The following TTC21B variants were observed in gnomAD, a reference collection of about 807,000 sequenced individuals.
TTC21B encodes the protein tetratricopeptide repeat protein 21B.
A neutral mutation model predicts 175.1 loss-of-function variants in TTC21B; 127 were observed. That is an observed-to-expected ratio of 0.73 (90% CI 0.63 to 0.84). The LOEUF is 0.84. TTC21B is among the 40% of genes least tolerant of loss of function. TTC21B has a pLI of 0.00. For missense variants in TTC21B, 1,561 were observed against 1,558.3 expected (o/e 1.00, Z -0.03); for synonymous variants, 524 against 524.5 (o/e 1.00, Z 0.01).
chr2:165,876,362 C>T (rs1047308426), intron 27 of TTC21B, 130 bp from the exon 28 acceptor site: 31 of 688,866 alleles, frequency 4.5e-5, no homozygotes, highest in South Asian at 1.8e-4. Flanking sequence ...AACCAAACTA[C>T]GCTATACAGA....
At position 165,930,020 on chromosome 2, in the gene TTC21B, A is replaced by ATTTTAT. The variant is rs79188732; in HGVS notation, c.1087+151_1087+152insATAAAA. 0.33 allele frequency: 228,223 copies of ATTTTAT among 693,354 alleles called. 40,579 individuals carry two copies. The highest frequency in any genetic ancestry group is 0.37 in the Non-Finnish European group (155,745 of 420,976). 43.0% of individuals were successfully genotyped at this position (693,354 alleles called of 1,614,324 possible). A position where few individuals can be genotyped will look rare whatever the true frequency, so the allele number is the denominator to read the frequency against. Reference sequence around the variant, plus strand: ...TCAAGATATTATTTGTGAATTAAAAATTTTAAAGACATGACTTTTTCGAGT... The same window carrying ATTTTAT: ...TCAAGATATTATTTGTGAATTAAAAATTTTATTTTTAAAGACATGACTTTTTCGAGT... On this transcript the variant is annotated intron_variant, in intron 9 of 28. Transcript: ENST00000243344.
chr2:165,953,651 G>GCGCGCCCGCTCA, intron 1 of TTC21B, 34 bp downstream of exon 1: 1 of 1,511,044 alleles, frequency 6.6e-7, no homozygotes. Flanking sequence ...CCGCCCGCCC[G>GCGCGCCCGCTCA]CCCGCTCACC....
intron 4 of TTC21B, among the ~76,000 whole-genome samples, chr2:165,944,325 T>C (rs1459423684): frequency 1.3e-5 from 2 of 152,186 alleles, no homozygotes; most frequent in African/African-American, 4.8e-5. Context: ...GCCAATGTAT[T>C]TTCTATTTAT....
At chr2:165,893,029 CT>C (rs1224047147) in intron 22 of TTC21B, among the ~76,000 whole-genome samples, 2 of 152,136 alleles carry the variant, frequency 1.3e-5, no homozygotes, top group African/African-American at 4.8e-5. Context: ...TTCACCACAC[CT>C]TTTAGCATCA....
intron 4 of TTC21B, among the ~76,000 whole-genome samples, chr2:165,943,762 A>G (rs752323386): frequency 2.0e-5 from 3 of 152,160 alleles, no homozygotes; most frequent in Non-Finnish European, 4.4e-5. Flanking sequence ...TGCTTCACAT[A>G]TCTTAAAGAT....
intron 6 of TTC21B, among the ~76,000 whole-genome samples, chr2:165,940,570 A>G (rs1006895113): frequency 6.6e-6 from 1 of 152,102 alleles, no homozygotes; most frequent in Non-Finnish European, 1.5e-5. Flanking sequence ...CTTCTCTCAA[A>G]TATCTGCATG....
chr2:165,930,513 T>C, intron 8 of TTC21B, 149 bp from the exon 9 acceptor site: 1 of 544,082 alleles, frequency 1.8e-6, no homozygotes. Flanking sequence ...AATAAAACTT[T>C]CCTATTATCT....
At chr2:165,917,570 C>T in intron 13 of TTC21B, 89 bp from the exon 14 acceptor site, 2 of 1,049,528 alleles carry the variant, frequency 1.9e-6, no homozygotes, top group Non-Finnish European at 2.9e-6. Flanking sequence ...AATGAGATCA[C>T]TGAGAACAGT....
At chr2:165,939,556 A>G (rs1220671247) in intron 6 of TTC21B, among the ~76,000 whole-genome samples, 2 of 152,088 alleles carry the variant, frequency 1.3e-5, no homozygotes, top group Non-Finnish European at 2.9e-5. Flanking sequence ...TTGTGACTCA[A>G]ATATATTTAT....
intron 25 of TTC21B, among the ~76,000 whole-genome samples, chr2:165,885,587 T>C (rs4667853): frequency 0.018 from 2,748 of 152,252 alleles, 118 homozygotes; most frequent in Admixed American, 0.099. Context: ...GGAGAGAAGA[T>C]AGAGGCCTGC....
chr2:165,912,460 C>G, intron 17 of TTC21B, 54 bp downstream of exon 17: 1 of 1,360,990 alleles, frequency 7.3e-7, no homozygotes, highest in Non-Finnish European at 1.1e-6. Flanking sequence ...TTCTCGAGGA[C>G]AGGGTATGAT....
rs1214913630 is a variant in TTC21B, at chr2:165,949,658, T to C, written c.88A>G (p.Ile30Val). The change falls in exon 2 of 29, where the codon ATT becomes GTT. Residue 30 changes from isoleucine (I) to valine (V), a missense_variant. Transcript: ENST00000243344. ...HHVLLVASEG[I>V]KRYGSDPVFR... ...ACTGGATCACTTCCATACCTCTTAA[T>C]TCCTTCACTGGCAACCAGTAATACA... 1 of 1,613,514 alleles carries C rather than the reference T, an allele frequency of 6.2e-7. No individual in the cohort carries two copies. The highest frequency in any genetic ancestry group is 1.7e-5 in the Admixed American group (1 of 60,030).
At position 165,877,809 on chromosome 2, in the gene TTC21B, T is replaced by A. The variant is rs535601926; in HGVS notation, c.3806-1577A>T. On this transcript the variant is annotated intron_variant, in intron 27 of 28. Coordinates refer to ENST00000243344, the MANE Select transcript of TTC21B (RefSeq NM_024753.5). ...CACATGGGCAGGGCCTATGGCAGAATCTCACATCTCAGATTTTAGACAAAA... is the reference window on the plus strand; with the variant it reads ...CACATGGGCAGGGCCTATGGCAGAAACTCACATCTCAGATTTTAGACAAAA... Among the ~76,000 whole-genome samples the A allele has an allele frequency of 7.2e-5, 11 of 152,266 alleles. No homozygotes were observed. In the East Asian group the frequency reaches 2.1e-3, roughly 29 times the overall value.
chr2:165,890,455 A>G (rs774945305), intron 24 of TTC21B, 24 bp downstream of exon 24: 36 of 1,610,694 alleles, frequency 2.2e-5, no homozygotes, highest in Admixed American at 3.3e-5. Context: ...TTTTTAAAAA[A>G]GGATAATATG....
intron 19 of TTC21B, among the ~76,000 whole-genome samples, chr2:165,902,435 G>C (rs921035614): frequency 1.3e-5 from 2 of 152,046 alleles, no homozygotes; most frequent in African/African-American, 4.8e-5. Context: ...CCTACCACAT[G>C]CAATATATTA....
chr2:165,896,110 T>A (rs1050772395), intron 22 of TTC21B, among the ~76,000 whole-genome samples: 2 of 56,494 alleles, frequency 3.5e-5, no homozygotes, highest in Middle Eastern at 0.011. Context: ...GCCACCTCTG[T>A]GTCTCTGAGG....
At chr2:165,880,282 G>A (rs889903730) in intron 27 of TTC21B, among the ~76,000 whole-genome samples, 11 of 152,042 alleles carry the variant, frequency 7.2e-5, no homozygotes, top group Admixed American at 5.9e-4. Flanking sequence ...GATATCCATC[G>A]CAATATACGT....
chr2:165,878,642 T>C lies in TTC21B; in HGVS notation c.3805+2037A>G, dbSNP rs1163251359. Among the ~76,000 whole-genome samples the C allele has an allele frequency of 4.6e-5, 7 of 151,916 alleles. No individual in the cohort carries two copies. The East Asian group carries it at 1.2e-3, about 25-fold the overall frequency. ...ATCCTGGTGCCTCTTATAGTGACAA[T>C]ATTCAACCCTGAATTCTATGGAAAG... On this transcript the variant is annotated intron_variant, in intron 27 of 28. Transcript: ENST00000243344.
chr2:165,929,054 A>T, intron 11 of TTC21B, 81 bp downstream of exon 11: 2 of 1,225,926 alleles, frequency 1.6e-6, no homozygotes, highest in Non-Finnish European at 2.4e-6. Context: ...ATATAGTCTA[A>T]TGCATCAAAG....
Sources: gnomAD v4.1 joint callset for allele counts (sites outside exome capture counted in the v4.1 genomes callset) on GRCh38, gnomAD v4.1.1 for gene constraint, MANE v1.5 for transcripts, NCBI Gene and HGNC (gene_info 2026-07-23, HGNC 2026-07-21) for gene names.